The following PCDH7 variants were observed in gnomAD, a reference collection of about 807,000 sequenced individuals.
The protein encoded by PCDH7 is protocadherin-7.
A neutral mutation model predicts 58.9 loss-of-function variants in PCDH7; 17 were observed. That is an observed-to-expected ratio of 0.29 (90% CI 0.20 to 0.43). The LOEUF (loss-of-function observed/expected upper bound fraction) is 0.43, where lower values mean the gene tolerates loss of function less well. Ranked by LOEUF, PCDH7 falls within the 20% of genes least tolerant of loss-of-function variation. The pLI, the probability that PCDH7 is intolerant of heterozygous loss-of-function variation, is 1.00. For missense variants in PCDH7, 1,274 were observed against 1,441.0 expected (o/e 0.88, Z 1.88); for synonymous variants, 664 against 616.4 (o/e 1.08, Z -1.14).
Position 30,831,364 on chromosome 4 carries a change from A to G in PCDH7, c.71-88789A>G, listed in dbSNP as rs538286647. The stretch of plus-strand genomic sequence containing the variant: ...TAACTCAAAGAATTGGGTTCAATTC[A>G]TAGTCTTGGCCTTTACTAGCTATGG... On this transcript the variant is annotated intron_variant, in intron 1 of 3. Coordinates refer to the PCDH7 transcript ENST00000509759. Among the ~76,000 whole-genome samples the G allele has an allele frequency of 2.0e-5, 3 of 152,298 alleles. No individual in the cohort carries two copies. In the East Asian group the frequency reaches 5.8e-4, roughly 29 times the overall value.
At chr4:30,841,046 T>C (rs1378620390) in intron 1 of PCDH7, among the ~76,000 whole-genome samples, 2 of 152,146 alleles carry the variant, frequency 1.3e-5, no homozygotes, top group African/African-American at 4.8e-5. Flanking sequence ...CTATGGAATT[T>C]AAATAAATGC....
chr4:30,896,236 A>G (rs981164726), intron 1 of PCDH7, among the ~76,000 whole-genome samples: 14 of 152,190 alleles, frequency 9.2e-5, no homozygotes, highest in Non-Finnish European at 1.6e-4. Context: ...AGTTACATAG[A>G]TTTGAACAGG....
At chr4:30,731,052 G>A (rs1177786365) in exon 2 of PCDH7, 18 of 1,179,324 alleles carry the variant, frequency 1.5e-5, no homozygotes, top group Admixed American at 4.4e-5. Flanking sequence ...TTAAAGAGGC[G>A]GTTAGCACCT....
chr4:31,052,576 T>A (rs766435529), intron 3 of PCDH7, among the ~76,000 whole-genome samples: 1 of 152,124 alleles, frequency 6.6e-6, no homozygotes, highest in Non-Finnish European at 1.5e-5. Flanking sequence ...CAAGACACTG[T>A]CCCAAATAAA....
At chr4:30,738,734 C>T (rs1312868205) in intron 1 of PCDH7, among the ~76,000 whole-genome samples, 2 of 152,082 alleles carry the variant, frequency 1.3e-5, no homozygotes, top group African/African-American at 4.8e-5. Context: ...AATTTTAGTG[C>T]ATTTTCAGCA....
downstream of PCDH7, chr4:31,145,312 A>G (rs1257296395): frequency 1.3e-5 from 2 of 152,160 alleles, no homozygotes; most frequent in Non-Finnish European, 2.9e-5. Context: ...GTAAGTATTC[A>G]CAGTAATTCT....
At chr4:30,782,687 T>A (rs546223178) in intron 1 of PCDH7, among the ~76,000 whole-genome samples, 2 of 152,264 alleles carry the variant, frequency 1.3e-5, no homozygotes, top group Admixed American at 1.3e-4. Context: ...GTTTTTATGC[T>A]TGGGTTTGAT....
At chr4:31,140,608 TAAAAAAAA>T (rs34075687) in intron 3 of PCDH7, among the ~76,000 whole-genome samples, 1 of 119,704 alleles carries the variant, frequency 8.4e-6, no homozygotes, top group Admixed American at 8.8e-5. Flanking sequence ...TAGGTCAGGT[TAAAAAAAA>T]AAAAAAAAGA....
chr4:30,754,993 AT>A (rs1719089433), intron 1 of PCDH7, among the ~76,000 whole-genome samples: 1 of 152,120 alleles, frequency 6.6e-6, no homozygotes, highest in Non-Finnish European at 1.5e-5. Context: ...GATGGATAAT[AT>A]TTTTATGGTT....
chr4:30,911,999 A>G (rs1741838429), intron 1 of PCDH7, among the ~76,000 whole-genome samples: 1 of 152,206 alleles, frequency 6.6e-6, no homozygotes, highest in South Asian at 2.1e-4. Flanking sequence ...ACAGATATAA[A>G]CAATAATGTC....
chr4:31,021,275 C>T (rs528664534), intron 3 of PCDH7, among the ~76,000 whole-genome samples: 8 of 152,022 alleles, frequency 5.3e-5, no homozygotes, highest in Non-Finnish European at 1.0e-4. Context: ...TTACATAGCC[C>T]CTAGGGAAAT....
At chr4:31,025,900 T>C (rs1478825625) in intron 3 of PCDH7, among the ~76,000 whole-genome samples, 1 of 152,184 alleles carries the variant, frequency 6.6e-6, no homozygotes, top group Non-Finnish European at 1.5e-5. Flanking sequence ...ATGCTGGAAG[T>C]TTCCAGGACA....
downstream of PCDH7, chr4:31,144,955 G>A (rs1244841877): frequency 1.3e-5 from 2 of 151,888 alleles, no homozygotes; most frequent in Admixed American, 6.6e-5. Flanking sequence ...TACCTATTAA[G>A]ACAAAATACT....
chr4:31,013,592 TAC>T (rs138674335), intron 3 of PCDH7, among the ~76,000 whole-genome samples: 383 of 146,332 alleles, frequency 2.6e-3, no homozygotes, highest in African/African-American at 8.2e-3. Context: ...ATATATTTTA[TAC>T]ACACACACAC....
At chr4:31,090,770 A>T (rs1274209479) in intron 3 of PCDH7, among the ~76,000 whole-genome samples, 1 of 152,038 alleles carries the variant, frequency 6.6e-6, no homozygotes, top group African/African-American at 2.4e-5. Flanking sequence ...AGTATTTTTT[A>T]AAGATATTTC....
intron 1 of PCDH7, among the ~76,000 whole-genome samples, chr4:30,762,407 T>A (rs937677276): frequency 1.3e-5 from 2 of 152,168 alleles, no homozygotes; most frequent in Non-Finnish European, 2.9e-5. Flanking sequence ...GCTTCAGTTT[T>A]TCAAGAGCAA....
intron 3 of PCDH7, among the ~76,000 whole-genome samples, chr4:31,088,277 T>C (rs889290779): frequency 3.3e-5 from 5 of 152,060 alleles, no homozygotes; most frequent in African/African-American, 9.7e-5. Flanking sequence ...TTCTGTTTGC[T>C]TCTGTTAATT....
At chr4:30,894,526 C>A (rs1355769532) in intron 1 of PCDH7, among the ~76,000 whole-genome samples, 1 of 83,118 alleles carries the variant, frequency 1.2e-5, no homozygotes, top group Admixed American at 1.6e-4. Flanking sequence ...TACACACACA[C>A]ACACACACAC....
chr4:30,823,746 A>G (rs1395444660), intron 1 of PCDH7, among the ~76,000 whole-genome samples: 2 of 152,100 alleles, frequency 1.3e-5, no homozygotes, highest in Admixed American at 6.6e-5. Flanking sequence ...TAGAAAGGCT[A>G]ATGCTCTTAA....
Sources: allele counts gnomAD v4.1 joint callset (sites outside exome capture counted in the v4.1 genomes callset), GRCh38; gene constraint gnomAD v4.1.1; transcripts MANE v1.5; gene names NCBI Gene and HGNC (gene_info 2026-07-23, HGNC 2026-07-21).